The following MTAP variants were observed in gnomAD, a reference collection of about 807,000 sequenced individuals.
MTAP encodes methylthioadenosine phosphorylase.
A neutral mutation model predicts 33.6 loss-of-function variants in MTAP; 33 were observed. That is an observed-to-expected ratio of 0.98 (90% CI 0.74 to 1.31). MTAP has a LOEUF of 1.31. Ranked by LOEUF, MTAP falls within the 40% of genes most tolerant of loss-of-function variation. The pLI is 0.00. For missense variants in MTAP, 367 were observed against 360.0 expected, an observed-to-expected ratio of 1.02 and a Z score of -0.16; for synonymous variants, 148 against 125.7, an observed-to-expected ratio of 1.18 and a Z score of -1.19.
intron 1 of MTAP, among the ~76,000 whole-genome samples, chr9:21,914,543 A>C (rs1428510496): frequency 6.8e-6 from 1 of 147,660 alleles, no homozygotes; most frequent in East Asian, 2.1e-4. Flanking sequence ...AGAAAACCAA[A>C]CACCGCGTGT....
downstream of MTAP, chr9:21,933,022 A>C (rs1818987857): frequency 2.6e-5 from 4 of 152,194 alleles, no homozygotes; most frequent in Admixed American, 2.6e-4. Flanking sequence ...TTCTTTAGCC[A>C]CCTGTATGCT....
intron 1 of MTAP, chr9:21,893,827 A>G (rs1360334589): frequency 6.6e-6 from 1 of 151,624 alleles, no homozygotes; most frequent in Non-Finnish European, 1.5e-5. Flanking sequence ...GTAAAAAACA[A>G]AAGGTATTAC....
At chr9:21,859,136 C>T (rs1825698945) in intron 6 of MTAP, 167 bp from the exon 7 acceptor site, 1 of 940,166 alleles carries the variant, frequency 1.1e-6, no homozygotes, top group East Asian at 2.8e-5. Context: ...AATTGCCTCC[C>T]AAATGCCCAA....
At chr9:21,914,990 CT>C (rs1011540100) in intron 1 of MTAP, among the ~76,000 whole-genome samples, 2 of 146,220 alleles carry the variant, frequency 1.4e-5, no homozygotes, top group Non-Finnish European at 3.0e-5. Context: ...CATATCAATA[CT>C]TTGTTTTCTT....
rs548285773 is a variant in MTAP at position 21,913,763 on chromosome 9, C to A, written c.148-17245C>A. Among the ~76,000 whole-genome samples, 3 of 152,180 alleles carry A rather than the reference C, an allele frequency of 2.0e-5. No homozygotes were observed. In the East Asian group the frequency reaches 5.8e-4, roughly 29 times the overall value. The stretch of plus-strand genomic sequence containing the variant: ...ACACCAAAAGCAATGGCAACAAAAG[C>A]CAAAATTGACAAATGGGATCTAATT... On this transcript the variant is annotated intron_variant, in intron 1 of 1. Transcript: ENST00000577563.
intron 4 of MTAP, among the ~76,000 whole-genome samples, chr9:21,819,959 A>G (rs1824588631): frequency 6.6e-6 from 1 of 152,248 alleles, no homozygotes; most frequent in East Asian, 1.9e-4. Context: ...GTGTCTGTTC[A>G]TATCTTTTGC....
At chr9:21,878,695 G>T (rs1415767645) in intron 1 of MTAP, among the ~76,000 whole-genome samples, 2 of 152,084 alleles carry the variant, frequency 1.3e-5, no homozygotes, top group Non-Finnish European at 2.9e-5. Context: ...TGGGTGTTTA[G>T]TGCCATAAAC....
intron 1 of MTAP, among the ~76,000 whole-genome samples, chr9:21,925,407 A>G (rs1191733570): frequency 6.6e-6 from 1 of 152,226 alleles, no homozygotes. Flanking sequence ...GACATCTTCA[A>G]CATAGCTTCC....
chr9:21,859,639 TGAGA>T (rs1157977363), intron 7 of MTAP: 11 of 444,606 alleles, frequency 2.5e-5, no homozygotes, highest in East Asian at 7.7e-5. Context: ...AGGCTAGGGT[TGAGA>T]GAGTTTTATT....
At chr9:21,860,662 T>TAA (rs941727978) in intron 7 of MTAP, 1 of 152,168 alleles carries the variant, frequency 6.6e-6, no homozygotes, top group East Asian at 1.9e-4. Context: ...GGAGCTTGCA[T>TAA]AAAAAAACGC....
chr9:21,824,890 C>T (rs1345775029), intron 4 of MTAP, among the ~76,000 whole-genome samples: 3 of 152,186 alleles, frequency 2.0e-5, no homozygotes, highest in Non-Finnish European at 4.4e-5. Context: ...GGGCGTGGGA[C>T]CCTCCGAGCT....
intron 1 of MTAP, among the ~76,000 whole-genome samples, chr9:21,913,119 G>A (rs940946586): frequency 1.3e-5 from 2 of 152,140 alleles, no homozygotes; most frequent in Non-Finnish European, 2.9e-5. Flanking sequence ...ACTGCTCAAC[G>A]AAATAAAAGA....
intron 5 of MTAP, among the ~76,000 whole-genome samples, chr9:21,844,702 G>C (rs1475133586): frequency 2.6e-5 from 4 of 152,112 alleles, no homozygotes; most frequent in African/African-American, 9.7e-5. Context: ...AAAACCCTCA[G>C]CAAAATTGGC....
intron 5 of MTAP, among the ~76,000 whole-genome samples, chr9:21,852,731 T>C (rs547470415): frequency 6.7e-6 from 1 of 148,836 alleles, no homozygotes; most frequent in South Asian, 2.1e-4. Flanking sequence ...AGCCTGGTAA[T>C]AATGGTTTCC....
intron 1 of MTAP, 117 bp downstream of exon 1, chr9:21,802,898 C>T (rs1824089065): frequency 2.0e-6 from 3 of 1,482,054 alleles, no homozygotes; most frequent in Non-Finnish European, 2.7e-6. Context: ...CTTGCCGCCG[C>T]GGGGAGGGAC....
chr9:21,888,626 A>G (rs1450439392), intron 1 of MTAP, among the ~76,000 whole-genome samples: 1 of 139,354 alleles, frequency 7.2e-6, no homozygotes, highest in Non-Finnish European at 1.5e-5. Context: ...TGTCTGATAT[A>G]AAAATAGCTA....
At chr9:21,890,191 T>A (rs1357687822) in intron 1 of MTAP, among the ~76,000 whole-genome samples, 1 of 152,084 alleles carries the variant, frequency 6.6e-6, no homozygotes, top group East Asian at 1.9e-4. Flanking sequence ...TGGCTGCCTC[T>A]CCTGCATCAT....
chr9:21,820,485 C>G (rs1435324452), intron 4 of MTAP, among the ~76,000 whole-genome samples: 1 of 152,166 alleles, frequency 6.6e-6, no homozygotes, highest in African/African-American at 2.4e-5. Context: ...GGGCTCTGTT[C>G]TGTTCCATTG....
intron 1 of MTAP, among the ~76,000 whole-genome samples, chr9:21,903,942 C>A (rs914022496): frequency 9.8e-5 from 15 of 152,294 alleles, no homozygotes; most frequent in Admixed American, 2.6e-4. Flanking sequence ...TTTCTGTATC[C>A]CGGGTTCTTG....
Sources: gnomAD v4.1 joint callset for allele counts (sites outside exome capture counted in the v4.1 genomes callset) on GRCh38, gnomAD v4.1.1 for gene constraint, MANE v1.5 for transcripts, NCBI Gene and HGNC (gene_info 2026-07-23, HGNC 2026-07-21) for gene names.